ANKRD52: variants seen among roughly 807,000 people sequenced by gnomAD.
ANKRD52 encodes serine/threonine-protein phosphatase 6 regulatory ankyrin repeat subunit C.
In ANKRD52, 7 loss-of-function variants were observed where a neutral mutation model predicts 116.0. The ratio of observed to expected loss-of-function variants is 0.06; its 90% CI spans 0.03 to 0.11. The LOEUF (loss-of-function observed/expected upper bound fraction) is 0.11. Among genes scored for constraint, ANKRD52 ranks in the 10% least tolerant of loss-of-function variants. The pLI is 1.00. For missense variants in ANKRD52, 839 were observed against 1,408.6 expected (o/e 0.60, Z 6.47); for synonymous variants, 528 against 578.1 (o/e 0.91, Z 1.24).
Position 56,243,522 on chromosome 12 carries a change from GTGACGAGGGCCCAGGAAGGC to G in ANKRD52, c.2981-150_2981-131del, listed in dbSNP as rs1871259561. 7.4e-7 allele frequency: 1 copy of G among 1,344,734 alleles called. No homozygotes were observed. Among genetic ancestry groups the G allele is most frequent in the Non-Finnish European group, 1.0e-6 (1 of 997,948 alleles). 83.3% of individuals were successfully genotyped at this position (1,344,734 alleles called of 1,614,324 possible). ...TACCCAGCAGCGGCAGAATCCAAGG[GTGACGAGGGCCCAGGAAGGC>G]TGACAGGCAGATTCTCTAAGTACGG... On this transcript the variant is annotated intron_variant, in intron 27 of 27. Transcript: ENST00000267116. This position sits in a 1 kb window ranked among gnomAD's most constrained non-coding sequence, Gnocchi z 4.6.
chr12:56,245,966 C>T (rs543242044), intron 20 of ANKRD52, among the ~76,000 whole-genome samples: 4 of 152,044 alleles, frequency 2.6e-5, no homozygotes, highest in South Asian at 4.2e-4. Flanking sequence ...CCGCCTGCCT[C>T]GGCCTCCCAA....
In ANKRD52 at chr12:56,257,051, C is replaced by T. The variant is rs571081998; in HGVS notation, c.225G>A (p.Leu75=). ...AGGCAGCAGCACGATGAAGAGGGGT[C>T]AGCCACAGTGTGTCCTTAGCATTGA... is the stretch of plus-strand genomic sequence containing the variant. ...ANVNAKDTLW[L]TPLHRAAASR... Residue 75 remains leucine (L), a synonymous_variant, in exon 4 of 28, where the codon CTG becomes CTA. Coordinates refer to ENST00000267116, the MANE Select transcript of ANKRD52 (RefSeq NM_173595.4). 73 of 1,613,640 alleles carry T rather than the reference C, an allele frequency of 4.5e-5. No individual in the cohort carries two copies. In the South Asian group the frequency reaches 7.5e-4, roughly 17 times the overall value.
rs777858669 is a variant in ANKRD52, at chr12:56,248,788, C to T, written c.1675G>A (p.Ala559Thr). ...QGYTAVHYAA[A>T]YGNRQNLELL... ...TCGAGGTTCTGTCTGTTGCCATAGG[C>T]GGCTGCATAGTGCACAGCTGTGTAG... Residue 559 changes from alanine to threonine, a missense_variant, in exon 16 of 28, where the codon GCC (alanine) becomes ACC (threonine). By Grantham distance (58) the Ala-to-Thr change is moderately conservative. This residue lies in a region of ANKRD52 where 552 missense variants were observed against 810.6 expected (regional missense o/e 0.68). Transcript: ENST00000267116. The surrounding 1 kb of genome is among the most constrained non-coding windows in gnomAD (Gnocchi z 5.1). 4 of 1,610,918 alleles carry T rather than the reference C, an allele frequency of 2.5e-6. No homozygotes were observed. Among genetic ancestry groups the T allele is most frequent in the Non-Finnish European group, 3.4e-6 (4 of 1,178,520 alleles).
At position 56,248,463 on chromosome 12, in the gene ANKRD52, G is replaced by C; in HGVS notation, c.1776+32C>G. ...TAGGGCCTGGGAACAGGTAGGACAA[G>C]GAAGGCAACAGAAAAAAGACGTGGG... On this transcript the variant is annotated intron_variant, in intron 17 of 27. Coordinates refer to ENST00000267116, the MANE Select transcript of ANKRD52 (RefSeq NM_173595.4). The surrounding 1 kb of genome is among the most constrained non-coding windows in gnomAD (Gnocchi z 5.1). 1.3e-6 allele frequency: 2 copies of C among 1,571,218 alleles called. No homozygotes were observed. Among genetic ancestry groups the C allele is most frequent in the Non-Finnish European group, 1.7e-6 (2 of 1,156,732 alleles).
Position 56,243,727 on chromosome 12 carries a change from T to C in ANKRD52, c.2980+58A>G. ...ATAGCAAGATTAAGAAGTCACCTCC[T>C]GAAGAATGTCCCTGACCCCAAACCC... On this transcript the variant is annotated intron_variant, in intron 27 of 27. Transcript: ENST00000267116. This position sits in a 1 kb window ranked among gnomAD's most constrained non-coding sequence, Gnocchi z 4.6. 6 of 1,495,272 alleles carry C rather than the reference T, an allele frequency of 4.0e-6. No individual in the cohort carries two copies. Among genetic ancestry groups the C allele is most frequent in the Non-Finnish European group, 5.5e-6 (6 of 1,098,686 alleles). 92.6% of individuals were successfully genotyped at this position (1,495,272 alleles called of 1,614,324 possible).
chr12:56,242,408 A>T lies in ANKRD52; in HGVS notation c.*734T>A. On this transcript the variant is annotated 3_prime_UTR_variant, in exon 28 of 28. Coordinates refer to ENST00000267116, the MANE Select transcript of ANKRD52 (RefSeq NM_173595.4). This position sits in a 1 kb window ranked among gnomAD's most constrained non-coding sequence, Gnocchi z 4.3. Reference sequence around the variant, plus strand: ...AAAGTGCGTGGTTAGGGGCCAGGCTAGGAGTGGGAGGGAATGGGGAGGGGG... The same window carrying T: ...AAAGTGCGTGGTTAGGGGCCAGGCTTGGAGTGGGAGGGAATGGGGAGGGGG... 2.5e-5 allele frequency: 8 copies of T among 318,790 alleles called. No homozygotes were observed. Among genetic ancestry groups the T allele is most frequent in the Non-Finnish European group, 4.0e-5 (7 of 175,660 alleles). The allele number at this position is 318,790 out of a possible 1,614,324, so 19.7% of individuals were successfully genotyped here.
In ANKRD52 at chr12:56,256,314, C is replaced by A. The variant is rs1019368423; in HGVS notation, c.262-330G>T. Among the ~76,000 whole-genome samples, 9 of 152,328 alleles carry A rather than the reference C, an allele frequency of 5.9e-5. No homozygotes were observed. The East Asian group carries it at 1.2e-3, about 20-fold the overall frequency. Reference sequence around the variant, plus strand: ...ACATGTGGAGATCCACACATCCCAACCCCCTACTACTTCTAGGAAAACTAA... The same window carrying A: ...ACATGTGGAGATCCACACATCCCAAACCCCTACTACTTCTAGGAAAACTAA... On this transcript the variant is annotated intron_variant, in intron 4 of 27. Transcript: ENST00000267116.
chr12:56,247,524 T>C lies in ANKRD52; in HGVS notation c.2153A>G (p.Asp718Gly). 6.3e-7 allele frequency: 1 copy of C among 1,591,372 alleles called. No homozygotes were observed. The highest frequency in any genetic ancestry group is 1.1e-5 in the South Asian group (1 of 87,304). The change falls in exon 20 of 28, where the codon GAC becomes GGC. Residue 718 changes from aspartate (D) to glycine (G), a missense_variant. Coordinates refer to ENST00000267116, the MANE Select transcript of ANKRD52 (RefSeq NM_173595.4). ...GTGGAGGGCAGTGCGGCCCCGGAGG[T>C]CAGCAGCATCAGCTGTGGATCCTTT... is the stretch of plus-strand genomic sequence containing the variant. ...LEKGSTADAA[D>G]LRGRTALHRG...
Position 56,245,396 on chromosome 12 carries a change from C to T in ANKRD52, c.2385G>A (p.Met795Ile). Residue 795 changes from methionine (M) to isoleucine (I), a missense_variant, in exon 21 of 28, where the codon ATG becomes ATA. This residue lies in a region of ANKRD52 where 552 missense variants were observed against 810.6 expected (regional missense o/e 0.68). Coordinates refer to ENST00000267116, the MANE Select transcript of ANKRD52 (RefSeq NM_173595.4). ...AGVDYSGYSPMHWASYTGHED... is the reference protein window; with the variant it reads ...AGVDYSGYSPIHWASYTGHED... ...TAGTACCAGTGTAGGAGGCCCAGTG[C>T]ATGGGCGAGTATCCGCTGTAATCCA... is the stretch of plus-strand genomic sequence containing the variant. 1 of 1,612,334 alleles carries T rather than the reference C, an allele frequency of 6.2e-7. No homozygotes were observed. Among genetic ancestry groups the T allele is most frequent in the Non-Finnish European group, 8.5e-7 (1 of 1,179,330 alleles).
chr12:56,255,905 G>T lies in ANKRD52; in HGVS notation c.341C>A (p.Ala114Asp). The change falls in exon 5 of 28, where the codon GCT becomes GAT. Residue 114 changes from alanine to aspartate, a missense_variant. Ala to Asp is a moderately radical substitution (Grantham distance 126). Coordinates refer to ENST00000267116, the MANE Select transcript of ANKRD52 (RefSeq NM_173595.4). This position sits in a 1 kb window ranked among gnomAD's most constrained non-coding sequence, Gnocchi z 4.3. ...ACACTTGGTGGCCCGGTTGGCAGCAGCCACATGCAGTGGTGTCTGCCACAG... is the reference window on the plus strand; with the variant it reads ...ACACTTGGTGGCCCGGTTGGCAGCATCCACATGCAGTGGTGTCTGCCACAG... ...DKLWQTPLHV[A>D]AANRATKCAE... 1 of 1,572,776 alleles carries T rather than the reference G, an allele frequency of 6.4e-7. No individual in the cohort carries two copies. The highest frequency in any genetic ancestry group is 8.6e-7 in the Non-Finnish European group (1 of 1,158,334).
chr12:56,253,628 G>A lies in ANKRD52; in HGVS notation c.985+94C>T. The A allele has an allele frequency of 7.3e-7, 1 of 1,368,224 alleles. No homozygotes were observed. The highest frequency in any genetic ancestry group is 2.3e-5 in the East Asian group (1 of 42,816). 84.8% of individuals were successfully genotyped at this position (1,368,224 alleles called of 1,614,324 possible). ...CCAAGGGCCTATCCTACTGGAAGAG[G>A]GCAGGAGAAGGAAGTTAGGAACCTC... is the stretch of plus-strand genomic sequence containing the variant. On this transcript the variant is annotated intron_variant, in intron 9 of 27. Coordinates refer to ENST00000267116, the MANE Select transcript of ANKRD52 (RefSeq NM_173595.4). This position sits in a 1 kb window ranked among gnomAD's most constrained non-coding sequence, Gnocchi z 5.5.
rs908254938 is a variant in ANKRD52 at position 56,240,631 on chromosome 12, T to G, written c.*2511A>C. 6 of 151,956 alleles carry G rather than the reference T, an allele frequency of 3.9e-5. No homozygotes were observed. The highest frequency in any genetic ancestry group is 1.2e-4 in the African/African-American group (5 of 41,424). 9.4% of individuals were successfully genotyped at this position (151,956 alleles called of 1,614,324 possible). On this transcript the variant is annotated 3_prime_UTR_variant, in exon 28 of 28. Coordinates refer to ENST00000267116, the MANE Select transcript of ANKRD52 (RefSeq NM_173595.4). The surrounding 1 kb of genome is among the most constrained non-coding windows in gnomAD (Gnocchi z 4.2). The stretch of plus-strand genomic sequence containing the variant: ...CATTAAAATAAATATGCAGTGGCCA[T>G]GAGAATGGTCAAAATGCTTCAAAAA...
Position 56,248,236 on chromosome 12 carries a change from C to A in ANKRD52, c.1777-12G>T. ...TGACCGTTGTAGGCCTGGCAAGGTG[C>A]AGGCAACCAGTGCACACAGCTCGGG... On this transcript the variant is annotated splice_polypyrimidine_tract_variant and intron_variant, in intron 17 of 27. Transcript: ENST00000267116. This position sits in a 1 kb window ranked among gnomAD's most constrained non-coding sequence, Gnocchi z 5.1. 1 of 1,613,144 alleles carries A rather than the reference C, an allele frequency of 6.2e-7. No individual in the cohort carries two copies. Among genetic ancestry groups the A allele is most frequent in the South Asian group, 1.1e-5 (1 of 91,086 alleles).
chr12:56,245,315 T>C (rs1871343945), intron 21 of ANKRD52, 62 bp downstream of exon 21: 2 of 1,598,630 alleles, frequency 1.3e-6, no homozygotes, highest in Non-Finnish European at 8.5e-7. Flanking sequence ...ACAACCCACC[T>C]GTCCCCCTCT....
rs754087379 is a variant in ANKRD52 at position 56,252,465 on chromosome 12, A to G, written c.1370+37T>C. 6.2e-7 allele frequency: 1 copy of G among 1,603,694 alleles called. No homozygotes were observed. Among genetic ancestry groups the G allele is most frequent in the South Asian group, 1.1e-5 (1 of 90,874 alleles). ...CCCTCTACCATTTGTTTCTCTAATC[A>G]GATATTCCCTATGTTTACCCCTGCA... On this transcript the variant is annotated intron_variant, in intron 13 of 27. Transcript: ENST00000267116. The surrounding 1 kb of genome is among the most constrained non-coding windows in gnomAD (Gnocchi z 4.7).
rs977306684 is a variant in ANKRD52, at chr12:56,240,218, G to A, written c.*2924C>T. ...CTGGGACCCACGGTTTGTGCCATTC[G>A]TTTTTCTGAAGGATAGTATATGACC... is the stretch of plus-strand genomic sequence containing the variant. On this transcript the variant is annotated 3_prime_UTR_variant, in exon 28 of 28. Coordinates refer to ENST00000267116, the MANE Select transcript of ANKRD52 (RefSeq NM_173595.4). The surrounding 1 kb of genome is among the most constrained non-coding windows in gnomAD (Gnocchi z 4.2). 1 of 152,166 alleles carries A rather than the reference G, an allele frequency of 6.6e-6. No homozygotes were observed. Among genetic ancestry groups the A allele is most frequent in the Admixed American group, 6.5e-5 (1 of 15,278 alleles). The allele number at this position is 152,166 out of a possible 1,614,324, so 9.4% of individuals were successfully genotyped here.
Position 56,257,873 on chromosome 12 carries a change from C to T in ANKRD52, c.66G>A (p.Glu22=), listed in dbSNP as rs1329732308. Residue 22 remains glutamate (E), a synonymous_variant, in exon 2 of 28, where the codon GAG becomes GAA. Coordinates refer to ENST00000267116, the MANE Select transcript of ANKRD52 (RefSeq NM_173595.4). ...TCTGCGAGAGTAGGGAACGCACTTC[C>T]TCCACATCTCGGCTAAAGATGGCCT... is the stretch of plus-strand genomic sequence containing the variant. The part of the protein sequence containing the change: ...LVQAIFSRDV[E]EVRSLLSQKE... 9.9e-6 allele frequency: 16 copies of T among 1,613,810 alleles called. No individual in the cohort carries two copies. The highest frequency in any genetic ancestry group is 1.4e-5 in the Non-Finnish European group (16 of 1,179,840).
Position 56,244,639 on chromosome 12 carries a change from G to T in ANKRD52, c.2722+13C>A. Reference sequence around the variant, plus strand: ...AGGGGAGCTCCTCCCTTCCACAAGTGGCCCCTACACACCCACAGCAGCGGT... The same window carrying T: ...AGGGGAGCTCCTCCCTTCCACAAGTTGCCCCTACACACCCACAGCAGCGGT... On this transcript the variant is annotated intron_variant, in intron 24 of 27. Coordinates refer to ENST00000267116, the MANE Select transcript of ANKRD52 (RefSeq NM_173595.4). The surrounding 1 kb of genome is among the most constrained non-coding windows in gnomAD (Gnocchi z 4.9). 2 of 1,613,284 alleles carry T rather than the reference G, an allele frequency of 1.2e-6. No individual in the cohort carries two copies. Among genetic ancestry groups the T allele is most frequent in the Non-Finnish European group, 1.7e-6 (2 of 1,179,770 alleles).
intron 20 of ANKRD52, among the ~76,000 whole-genome samples, chr12:56,247,116 G>C (rs896452001): frequency 1.4e-4 from 21 of 151,068 alleles, no homozygotes; most frequent in African/African-American, 4.1e-4. Context: ...AGGCCAAGGT[G>C]GGGGGATCAC....
Sources: gnomAD v4.1 joint callset for allele counts (sites outside exome capture counted in the v4.1 genomes callset) on GRCh38, gnomAD v4.1.1 for gene constraint, gnomAD v4.1.1 regional missense constraint, Gnocchi (gnomAD v3.1) non-coding constraint, MANE v1.5 for transcripts, NCBI Gene and HGNC (gene_info 2026-07-23, HGNC 2026-07-21) for gene names.